SI: variants seen among roughly 807,000 people sequenced by gnomAD.
SI encodes the protein sucrase-isomaltase.
In SI, 235 loss-of-function variants were observed where a neutral mutation model predicts 253.3. The ratio of observed to expected loss-of-function variants is 0.93; its 90% CI spans 0.83 to 1.03. SI has a LOEUF of 1.03. SI is among the 50% of genes least tolerant of loss of function. The probability of loss-of-function intolerance (pLI) is 0.00; values close to 1 mark genes in which losing one functional copy is unlikely to be tolerated. For missense variants in SI, 2,442 were observed against 2,211.1 expected, an observed-to-expected ratio of 1.10 and a Z score of -2.09; for synonymous variants, 819 against 712.0, an observed-to-expected ratio of 1.15 and a Z score of -2.39.
chr3:165,012,290 G>A (rs752833342), intron 34 of SI, among the ~76,000 whole-genome samples: 10 of 152,130 alleles, frequency 6.6e-5, no homozygotes, highest in African/African-American at 9.7e-5. Context: ...TCTCAATTAC[G>A]CAAGGTAAAT....
intron 13 of SI, among the ~76,000 whole-genome samples, 178 bp downstream of exon 13, chr3:165,055,016 G>C (rs1273116717): frequency 6.6e-6 from 1 of 151,896 alleles, no homozygotes; most frequent in Non-Finnish European, 1.5e-5. Context: ...GTTTTGTTTT[G>C]TTTTCTTACT....
intron 45 of SI, among the ~76,000 whole-genome samples, chr3:164,985,615 A>T (rs1232098634): frequency 6.6e-6 from 1 of 152,210 alleles, no homozygotes; most frequent in Admixed American, 6.6e-5. Flanking sequence ...TTTGCTATTA[A>T]TGAAAAAACT....
Position 165,067,440 on chromosome 3 carries a change from C to T in SI, c.535G>A (p.Glu179Lys), listed in dbSNP as rs1231349140. Residue 179 changes from glutamate to lysine, a missense_variant, in exon 6 of 48, where the codon GAG (glutamate) becomes AAG (lysine). Coordinates refer to ENST00000264382, the MANE Select transcript of SI (RefSeq NM_001041.4). ...TCAGAAACTGTGGGTCCAGTAAACT[C>T]TTTTACATACTGATGAGGAACTTCA... ...RYEVPHQYVK[E>K]FTGPTVSDTL... is the part of the protein sequence containing the mutation. The T allele has an allele frequency of 1.2e-6, 2 of 1,611,586 alleles. No individual in the cohort carries two copies. The highest frequency in any genetic ancestry group is 1.7e-6 in the Non-Finnish European group (2 of 1,178,106).
chr3:164,992,566 G>C (rs931913973), intron 41 of SI, among the ~76,000 whole-genome samples, 169 bp from the exon 42 acceptor site: 1 of 151,876 alleles, frequency 6.6e-6, no homozygotes, highest in East Asian at 1.9e-4. Context: ...ATAGTACAAT[G>C]CTCAGCAGTA....
chr3:165,017,940 T>C, intron 29 of SI, 30 bp downstream of exon 29: 1 of 1,583,450 alleles, frequency 6.3e-7, no homozygotes, highest in Non-Finnish European at 8.7e-7. Flanking sequence ...TCACATAAAA[T>C]AAGAGACATT....
At chr3:165,071,205 A>C (rs917268721) in intron 3 of SI, among the ~76,000 whole-genome samples, 1 of 152,072 alleles carries the variant, frequency 6.6e-6, no homozygotes, top group African/African-American at 2.4e-5. Context: ...AACCTACTAC[A>C]TATACACTCC....
chr3:165,011,099 T>C (rs1437863510), intron 34 of SI, among the ~76,000 whole-genome samples: 1 of 152,208 alleles, frequency 6.6e-6, no homozygotes, highest in Non-Finnish European at 1.5e-5. Flanking sequence ...ATTTTCTATT[T>C]ATTTTGTGTT....
At chr3:164,998,751 A>T (rs1279131753) in intron 37 of SI, 78 bp from the exon 38 acceptor site, 1 of 1,126,312 alleles carries the variant, frequency 8.9e-7, no homozygotes. Flanking sequence ...ACTACTTTGT[A>T]AAAAAAAATA....
At chr3:164,995,520 T>A (rs1717972363) in intron 40 of SI, among the ~76,000 whole-genome samples, 1 of 151,794 alleles carries the variant, frequency 6.6e-6, no homozygotes, top group Non-Finnish European at 1.5e-5. Flanking sequence ...GAGTTTTCTA[T>A]CCTCTAGATT....
intron 33 of SI, among the ~76,000 whole-genome samples, chr3:165,014,237 AT>A (rs529634147): frequency 1.2e-4 from 18 of 151,216 alleles, no homozygotes; most frequent in African/African-American, 2.7e-4. Flanking sequence ...CTCATCATAG[AT>A]TTTTTTTTGT....
At chr3:164,979,782 C>A (rs1049097368) in intron 47 of SI, among the ~76,000 whole-genome samples, 1 of 151,762 alleles carries the variant, frequency 6.6e-6, no homozygotes, top group African/African-American at 2.4e-5. Flanking sequence ...CTCAATGCAT[C>A]CCTTTGTCAA....
intron 37 of SI, among the ~76,000 whole-genome samples, chr3:165,002,045 C>T (rs982458139): frequency 3.3e-5 from 5 of 151,506 alleles, no homozygotes; most frequent in African/African-American, 7.3e-5. Flanking sequence ...ACAACCTAAG[C>T]ATTCAGAGGG....
rs1250947838 is a variant in SI at position 165,059,001 on chromosome 3, TC to T, written c.1359del (p.Trp453Ter). 6.2e-7 allele frequency: 1 copy of T among 1,611,398 alleles called. No individual in the cohort carries two copies. The highest frequency in any genetic ancestry group is 1.7e-5 in the Admixed American group (1 of 59,782). On this transcript the variant is annotated frameshift_variant, in exon 12 of 48. Coordinates refer to ENST00000264382, the MANE Select transcript of SI (RefSeq NM_001041.4). LOFTEE classifies it high-confidence loss of function. ...GGTGTACTTCCATCTGACTCATTTA[TC>T]CACACATGTTGTGTGTTTCCCCTCT... is the stretch of plus-strand genomic sequence containing the variant. ...TYERGNTQHV[W>X]INESDGSTPI...
chr3:165,074,067 C>A (rs1052904528), intron 3 of SI, among the ~76,000 whole-genome samples: 1 of 152,066 alleles, frequency 6.6e-6, no homozygotes, highest in African/African-American at 2.4e-5. Flanking sequence ...ACCTAATTTT[C>A]TCCATTTTCT....
At chr3:165,010,166 G>GT (rs1335710432) in intron 34 of SI, among the ~76,000 whole-genome samples, 1,549 of 148,094 alleles carry the variant, frequency 0.01, 17 homozygotes, top group African/African-American at 0.036. Context: ...GATGGATTTT[G>GT]TTTTTTTTTT....
At chr3:164,999,639 T>C (rs1311232893) in intron 37 of SI, among the ~76,000 whole-genome samples, 5 of 151,690 alleles carry the variant, frequency 3.3e-5, no homozygotes, top group African/African-American at 9.7e-5. Flanking sequence ...AGTGTTTGTA[T>C]GTATATAAAG....
At chr3:165,088,346 CA>C in the SI span, among the ~76,000 whole-genome samples, 2 of 149,654 alleles carry the variant, frequency 1.3e-5, no homozygotes, top group Admixed American at 1.3e-4. Flanking sequence ...AACTCTCTCT[CA>C]AAAAATAAAT....
upstream of SI, among the ~76,000 whole-genome samples, chr3:165,078,950 C>T (rs1250964537): frequency 1.3e-5 from 2 of 151,340 alleles, no homozygotes; most frequent in Non-Finnish European, 3.0e-5. Flanking sequence ...TTCCCTGTAT[C>T]TTGTCTTTGA....
upstream of SI, among the ~76,000 whole-genome samples, chr3:165,081,743 G>A (rs370360412): frequency 2.6e-5 from 4 of 152,102 alleles, no homozygotes; most frequent in African/African-American, 9.6e-5. Flanking sequence ...GGCTCTGGGA[G>A]GTGTTGAATT....
Sources: allele counts gnomAD v4.1 joint callset (sites outside exome capture counted in the v4.1 genomes callset), GRCh38; gene constraint gnomAD v4.1.1; transcripts MANE v1.5; gene names NCBI Gene and HGNC (gene_info 2026-07-23, HGNC 2026-07-21).